The following FGD5 variants were observed in gnomAD, a reference collection of about 807,000 sequenced individuals.
FGD5 encodes the protein FYVE, RhoGEF and PH domain-containing protein 5.
Under a neutral mutation model 133.4 loss-of-function variants are expected in FGD5, and 28 were observed. The ratio of observed to expected loss-of-function variants is 0.21; its 90% CI spans 0.16 to 0.29. The LOEUF (loss-of-function observed/expected upper bound fraction) is 0.29, where lower values mean the gene tolerates loss of function less well. Ranked by LOEUF, FGD5 falls within the 10% of genes least tolerant of loss-of-function variation. FGD5 has a pLI of 1.00. For missense variants in FGD5, 1,858 were observed against 1,895.2 expected (o/e 0.98, Z 0.36); for synonymous variants, 810 against 776.5 (o/e 1.04, Z -0.72).
At chr3:14,879,565 G>T (rs138835594) in intron 2 of FGD5, among the ~76,000 whole-genome samples, 20 of 152,318 alleles carry the variant, frequency 1.3e-4, no homozygotes, top group African/African-American at 4.8e-4. Flanking sequence ...ATGAATGTGC[G>T]CTCGCTCACT....
intron 9 of FGD5, 50 bp downstream of exon 9, chr3:14,901,111 T>C (rs1190135326): frequency 3.8e-6 from 6 of 1,595,332 alleles, no homozygotes; most frequent in Admixed American, 1.7e-5. Context: ...TCCAGGCACC[T>C]CCCCACCAGC....
At chr3:14,893,315 A>C (rs1409016264) in intron 4 of FGD5, among the ~76,000 whole-genome samples, 1 of 152,116 alleles carries the variant, frequency 6.6e-6, no homozygotes, top group Non-Finnish European at 1.5e-5. Flanking sequence ...GGAAACATTC[A>C]AATTATTCTC....
In FGD5 at chr3:14,922,465, G is replaced by T; in HGVS notation, c.3724G>T (p.Val1242Phe). The T allele has an allele frequency of 6.3e-7, 1 of 1,575,868 alleles. No individual in the cohort carries two copies. The highest frequency in any genetic ancestry group is 1.3e-5 in the African/African-American group (1 of 74,138). ...LGERPPTLVP[V>F]THVMMCMNCG... The stretch of plus-strand genomic sequence containing the variant: ...GGAGAGGCCCCCCACCCTGGTGCCT[G>T]TCACACACGTCATGATGTGCATGAA... The change falls in exon 15 of 20, where the codon GTC (valine) becomes TTC (phenylalanine). Residue 1242 changes from valine to phenylalanine, a missense_variant. Around this residue, in one of 3 missense-constraint regions of FGD5, gnomAD observed 1,824 missense variants for 1,848.9 expected, o/e 0.99. Transcript: ENST00000285046. The surrounding 1 kb of genome is among the most constrained non-coding windows in gnomAD (Gnocchi z 4.1).
chr3:14,825,893 G>C lies in FGD5; in HGVS notation c.2525+4297G>C, dbSNP rs76110990. On this transcript the variant is annotated intron_variant, in intron 1 of 19. Transcript: ENST00000285046. The stretch of plus-strand genomic sequence containing the variant: ...AGAAGCTTAATAAATGTATACTGAT[G>C]AGTTGGTGATTTTGAGCTTCACAAG... Among the ~76,000 whole-genome samples the C allele has an allele frequency of 2.7e-3, 414 of 152,258 alleles. 3 individuals are homozygous for C. The highest frequency in any genetic ancestry group is 9.6e-3 in the African/African-American group (398 of 41,532).
At chr3:14,931,269 T>G (rs2038894963) in intron 18 of FGD5, 1 of 152,254 alleles carries the variant, frequency 6.6e-6, no homozygotes, top group African/African-American at 2.4e-5. Context: ...GTTTTTACCA[T>G]GAATGGATAT....
At position 14,896,471 on chromosome 3, in the gene FGD5, CTTT is replaced by C. The variant is rs201631646; in HGVS notation, c.2749-1024_2749-1022del. ...AACAGACTAGAGAACCCAGATGTAA[CTTT>C]TTTTTTTTTTTTTGAGACGGAGTTT... On this transcript the variant is annotated intron_variant, in intron 4 of 19. Transcript: ENST00000285046. 1.5e-4 allele frequency among the ~76,000 whole-genome samples: 22 copies of C among 148,290 alleles called. 1 individual carries two copies. The highest frequency in any genetic ancestry group is 4.3e-4 in the South Asian group (2 of 4,664).
At chr3:14,906,808 G>A (rs978031496) in intron 9 of FGD5, among the ~76,000 whole-genome samples, 1 of 152,240 alleles carries the variant, frequency 6.6e-6, no homozygotes, top group Non-Finnish European at 1.5e-5. Context: ...GGGCTTGCCA[G>A]GTGGAACCCA....
chr3:14,922,006 C>T lies in FGD5; in HGVS notation c.3658C>T (p.His1220Tyr). 1 of 1,560,326 alleles carries T rather than the reference C, an allele frequency of 6.4e-7. No homozygotes were observed. Among genetic ancestry groups the T allele is most frequent in the Non-Finnish European group, 8.7e-7 (1 of 1,152,146 alleles). ...YKAQALAAFH[H>Y]SVEIRERLGV... is the part of the protein sequence containing the mutation. ...GGCCCAGGCGCTGGCTGCATTCCAC[C>T]ATAGCGTGGAGGTGAGTGGGTGGGC... The change falls in exon 14 of 20, where the codon CAT becomes TAT. Residue 1220 changes from histidine to tyrosine, a missense_variant. Coordinates refer to ENST00000285046, the MANE Select transcript of FGD5 (RefSeq NM_152536.4). The surrounding 1 kb of genome is among the most constrained non-coding windows in gnomAD (Gnocchi z 4.1).
chr3:14,916,724 C>T (rs2038562893), intron 11 of FGD5, among the ~76,000 whole-genome samples: 2 of 152,182 alleles, frequency 1.3e-5, no homozygotes, highest in African/African-American at 4.8e-5. Flanking sequence ...ACCCTGGGGG[C>T]CCCCATCAAC....
At chr3:14,906,101 T>G (rs2125139280) in intron 9 of FGD5, among the ~76,000 whole-genome samples, 1 of 152,228 alleles carries the variant, frequency 6.6e-6, no homozygotes, top group East Asian at 1.9e-4. Context: ...TCAGAGAGCT[T>G]TTCTTTCATT....
At chr3:14,813,866 A>G (rs779414198) in intron 1 of FGD5, among the ~76,000 whole-genome samples, 1 of 152,226 alleles carries the variant, frequency 6.6e-6, no homozygotes, top group Non-Finnish European at 1.5e-5. Flanking sequence ...GCAAGCATGA[A>G]CATGTGAGTG....
chr3:14,931,663 C>T (rs556682364), intron 18 of FGD5: 1 of 152,292 alleles, frequency 6.6e-6, no homozygotes, highest in East Asian at 1.9e-4. Context: ...AAATCTTTTT[C>T]CACTGAGCAC....
At chr3:14,927,288 C>A (rs1472129189) in intron 18 of FGD5, among the ~76,000 whole-genome samples, 1 of 152,162 alleles carries the variant, frequency 6.6e-6, no homozygotes, top group African/African-American at 2.4e-5. Context: ...CCAAAACAAA[C>A]TGAACAGTTG....
chr3:14,908,921 AATTTATTT>A (rs748320275), intron 10 of FGD5, among the ~76,000 whole-genome samples: 227 of 149,964 alleles, frequency 1.5e-3, no homozygotes, highest in African/African-American at 4.4e-3. Flanking sequence ...ATAAAAAGGG[AATTTATTT>A]ATTTATTTAT....
intron 1 of FGD5, among the ~76,000 whole-genome samples, chr3:14,843,541 G>A (rs2036965395): frequency 6.6e-6 from 1 of 152,104 alleles, no homozygotes; most frequent in Non-Finnish European, 1.5e-5. Context: ...AGCCCTGCTT[G>A]GTATGCCAGG....
Position 14,922,283 on chromosome 3 carries a change from C to A in FGD5, c.3670-128C>A. On this transcript the variant is annotated intron_variant, in intron 14 of 19. Transcript: ENST00000285046. The surrounding 1 kb of genome is among the most constrained non-coding windows in gnomAD (Gnocchi z 4.1). ...CCTGGAGGGTGCAGGAGAGGCCTTTCACATCAGACCCACTCACCCACACAT... is the reference window on the plus strand; with the variant it reads ...CCTGGAGGGTGCAGGAGAGGCCTTTAACATCAGACCCACTCACCCACACAT... 1 of 1,361,732 alleles carries A rather than the reference C, an allele frequency of 7.3e-7. No homozygotes were observed. The highest frequency in any genetic ancestry group is 1.0e-6 in the Non-Finnish European group (1 of 997,772). The allele number at this position is 1,361,732 out of a possible 1,614,324, so 84.4% of individuals were successfully genotyped here. A position where few individuals can be genotyped will look rare whatever the true frequency, so the allele number is the denominator to read the frequency against.
chr3:14,832,350 C>T (rs2036728455), intron 1 of FGD5, among the ~76,000 whole-genome samples: 1 of 152,114 alleles, frequency 6.6e-6, no homozygotes, highest in African/African-American at 2.4e-5. Flanking sequence ...TGAAAAACCA[C>T]CCTGAGACAT....
At chr3:14,893,028 C>T (rs557871523) in intron 4 of FGD5, among the ~76,000 whole-genome samples, 1 of 152,314 alleles carries the variant, frequency 6.6e-6, no homozygotes, top group East Asian at 1.9e-4. Flanking sequence ...CATTGCTCCA[C>T]AGCTCAAGGT....
In FGD5 at chr3:14,821,139, T is replaced by C. The variant is rs2036489535; in HGVS notation, c.2068T>C (p.Ser690Pro). The part of the protein sequence containing the change: ...SSSESSYHGP[S>P]RILEVDRRSL... ...TTCAGAGTCCAGCTACCACGGGCCT[T>C]CCAGGATTCTGGAAGTTGACCGGAG... Residue 690 changes from serine to proline, a missense_variant, in exon 1 of 20, where the codon TCC becomes CCC. Around this residue, in one of 3 missense-constraint regions of FGD5, gnomAD observed 1,824 missense variants for 1,848.9 expected, o/e 0.99. Transcript: ENST00000285046. The C allele has an allele frequency of 6.2e-7, 1 of 1,613,842 alleles. No individual in the cohort carries two copies. The highest frequency in any genetic ancestry group is 1.7e-5 in the Admixed American group (1 of 60,008).
Sources: gnomAD v4.1 joint callset for allele counts (sites outside exome capture counted in the v4.1 genomes callset) on GRCh38, gnomAD v4.1.1 for gene constraint, gnomAD v4.1.1 regional missense constraint, Gnocchi (gnomAD v3.1) non-coding constraint, MANE v1.5 for transcripts, NCBI Gene and HGNC (gene_info 2026-07-23, HGNC 2026-07-21) for gene names.